The following EYA4 variants were observed in gnomAD, a reference collection of about 807,000 sequenced individuals.
EYA4 encodes protein phosphatase EYA4.
EYA4 carries 31 observed loss-of-function variants against 87.9 expected under a neutral mutation model. That is an observed-to-expected ratio of 0.35 (90% CI 0.27 to 0.48). EYA4 has a LOEUF of 0.48. Ranked by LOEUF, EYA4 falls within the 20% of genes least tolerant of loss-of-function variation. The probability of loss-of-function intolerance (pLI) is 0.99; values close to 1 mark genes in which losing one functional copy is unlikely to be tolerated. For synonymous variants in EYA4, 263 were observed against 270.6 expected, an observed-to-expected ratio of 0.97 and a Z score of 0.28; for missense variants, 678 against 761.4, an observed-to-expected ratio of 0.89 and a Z score of 1.29.
intron 6 of EYA4, among the ~76,000 whole-genome samples, chr6:133,459,667 A>G (rs1794205344): frequency 6.6e-6 from 1 of 152,170 alleles, no homozygotes; most frequent in Non-Finnish European, 1.5e-5. Flanking sequence ...TGCACATTTA[A>G]TGTCCATTGT....
At chr6:133,341,227 AG>A (rs1419865229) in intron 2 of EYA4, among the ~76,000 whole-genome samples, 1 of 152,192 alleles carries the variant, frequency 6.6e-6, no homozygotes, top group Admixed American at 6.5e-5. Flanking sequence ...CACAGGTTAA[AG>A]TAGAAAGAAT....
chr6:133,346,577 T>C (rs74298542), intron 2 of EYA4, among the ~76,000 whole-genome samples: 17,002 of 152,238 alleles, frequency 0.11, 975 homozygotes, highest in East Asian at 0.15. Flanking sequence ...GTTCCTTAAT[T>C]ACTACTATTT....
intron 2 of EYA4, among the ~76,000 whole-genome samples, chr6:133,309,194 A>T (rs953255731): frequency 4.6e-5 from 7 of 151,708 alleles, no homozygotes; most frequent in Admixed American, 3.3e-4. Context: ...CTTTAAATAT[A>T]TTTTTTATTA....
intron 2 of EYA4, among the ~76,000 whole-genome samples, chr6:133,323,073 C>CATGTGTGT (rs1554226113): frequency 3.4e-5 from 5 of 149,180 alleles, no homozygotes; most frequent in African/African-American, 1.2e-4. Context: ...GTATAAAATC[C>CATGTGTGT]GTGTGTGTGT....
intron 1 of EYA4, among the ~76,000 whole-genome samples, chr6:133,269,813 TTATTAAG>T (rs1456963102): frequency 6.6e-6 from 1 of 152,018 alleles, no homozygotes; most frequent in Non-Finnish European, 1.5e-5. Context: ...ATATGGGAGT[TTATTAAG>T]TATTAACTTA....
chr6:133,268,497 C>CCATTT (rs1776411086), intron 1 of EYA4, among the ~76,000 whole-genome samples: 1 of 152,128 alleles, frequency 6.6e-6, no homozygotes, highest in Non-Finnish European at 1.5e-5. Context: ...GAGAAAATGG[C>CCATTT]TCTAAAGGAG....
At chr6:133,507,755 T>A (rs1798772667) in intron 14 of EYA4, among the ~76,000 whole-genome samples, 1 of 152,232 alleles carries the variant, frequency 6.6e-6, no homozygotes, top group East Asian at 1.9e-4. Flanking sequence ...TGTGCCACAT[T>A]TTCTTTATCC....
intron 2 of EYA4, among the ~76,000 whole-genome samples, chr6:133,371,693 C>T (rs879025547): frequency 6.6e-6 from 1 of 152,070 alleles, no homozygotes; most frequent in Admixed American, 6.6e-5. Context: ...CTGTAGCAAC[C>T]CTGTAGAGGG....
chr6:133,380,733 A>G (rs1786118003), intron 2 of EYA4, among the ~76,000 whole-genome samples: 1 of 152,028 alleles, frequency 6.6e-6, no homozygotes, highest in Admixed American at 6.6e-5. Flanking sequence ...AATTTAATGG[A>G]CATAAGACTT....
chr6:133,468,253 C>T (rs1169857297), intron 10 of EYA4, among the ~76,000 whole-genome samples: 2 of 151,942 alleles, frequency 1.3e-5, no homozygotes, highest in African/African-American at 2.4e-5. Flanking sequence ...TCTTCAAACA[C>T]GTAGGTCCTG....
In EYA4 at chr6:133,428,188, A is replaced by G. The variant is rs1302577324; in HGVS notation, c.84-18442A>G. Among the ~76,000 whole-genome samples the G allele has an allele frequency of 2.6e-5, 4 of 152,214 alleles. No homozygotes were observed. The South Asian group carries it at 6.2e-4, about 24-fold the overall frequency. Reference sequence around the variant, plus strand: ...TCCCTGTGGAGATAACCAGTATAGAATTATAGGTAAGTTCTGGTGCTCAGA... The same window carrying G: ...TCCCTGTGGAGATAACCAGTATAGAGTTATAGGTAAGTTCTGGTGCTCAGA... On this transcript the variant is annotated intron_variant, in intron 3 of 19. Transcript: ENST00000355286.
At chr6:133,499,119 C>T (rs549714003) in intron 13 of EYA4, among the ~76,000 whole-genome samples, 1 of 152,216 alleles carries the variant, frequency 6.6e-6, no homozygotes, top group Middle Eastern at 3.4e-3. Context: ...GTTTTCAGTT[C>T]CTTTGATCTC....
intron 2 of EYA4, among the ~76,000 whole-genome samples, chr6:133,380,831 A>ATTCCTCTTCCTCCTCCTCCTTG (rs1472392726): frequency 1.4e-4 from 20 of 144,058 alleles, no homozygotes; most frequent in African/African-American, 3.1e-4. Context: ...CCTACGCCTT[A>ATTCCTCTTCCTCCTCCTCCTTG]TTCCTCTTCC....
At chr6:133,474,237 A>G (rs1487926492) in intron 11 of EYA4, among the ~76,000 whole-genome samples, 4 of 152,092 alleles carry the variant, frequency 2.6e-5, no homozygotes, top group Non-Finnish European at 5.9e-5. Flanking sequence ...CAGATACGGT[A>G]TATGCTACGT....
chr6:133,490,949 C>T (rs1196612617), intron 13 of EYA4, among the ~76,000 whole-genome samples: 3 of 152,090 alleles, frequency 2.0e-5, no homozygotes, highest in East Asian at 1.9e-4. Flanking sequence ...TGATAGACCA[C>T]ATGTTAGGCC....
At chr6:133,412,721 G>T (rs1406060073) in intron 3 of EYA4, among the ~76,000 whole-genome samples, 1 of 152,144 alleles carries the variant, frequency 6.6e-6, no homozygotes, top group African/African-American at 2.4e-5. Flanking sequence ...TTCCTATTCA[G>T]CATAGATCTC....
intron 3 of EYA4, among the ~76,000 whole-genome samples, chr6:133,426,355 C>A (rs1358034656): frequency 6.6e-6 from 1 of 152,182 alleles, no homozygotes; most frequent in African/African-American, 2.4e-5. Flanking sequence ...AATAAATGAA[C>A]ATGTGACTGA....
intron 18 of EYA4, among the ~76,000 whole-genome samples, chr6:133,524,178 GA>G: frequency 6.6e-6 from 1 of 152,128 alleles, no homozygotes; most frequent in Admixed American, 6.6e-5. Flanking sequence ...AGGACTAATA[GA>G]AAGAAGGTAA....
rs1159812428 is a variant in EYA4, at chr6:133,334,676, G to GA, written c.34-47709dup. Among the ~76,000 whole-genome samples the GA allele has an allele frequency of 3.3e-5, 5 of 151,896 alleles. No homozygotes were observed. In the East Asian group the frequency reaches 9.7e-4, roughly 29 times the overall value. On this transcript the variant is annotated intron_variant, in intron 2 of 19. Coordinates refer to ENST00000355286, the MANE Select transcript of EYA4 (RefSeq NM_004100.5). ...TACCTATTTGATCTCTCTTAGCAAGGAAAAAAAGAACCCTAGTGACCTGCA... is the reference window on the plus strand; with the variant it reads ...TACCTATTTGATCTCTCTTAGCAAGGAAAAAAAAGAACCCTAGTGACCTGCA...
Sources: gnomAD v4.1 joint callset for allele counts (sites outside exome capture counted in the v4.1 genomes callset) on GRCh38, gnomAD v4.1.1 for gene constraint, MANE v1.5 for transcripts, NCBI Gene and HGNC (gene_info 2026-07-23, HGNC 2026-07-21) for gene names.